Variants in MARCHF8 observed in about 807,000 individuals in gnomAD.
MARCHF8 encodes the protein E3 ubiquitin-protein ligase MARCHF8.
In MARCHF8, 40 loss-of-function variants were observed where a neutral mutation model predicts 51.6. That is an observed-to-expected ratio of 0.77 (90% CI 0.60 to 1.01). The LOEUF is 1.01. Among genes scored for constraint, MARCHF8 ranks in the 50% least tolerant of loss-of-function variants. MARCHF8 has a pLI of 0.00. For synonymous variants in MARCHF8, 263 were observed against 280.3 expected (o/e 0.94, Z 0.62); for missense variants, 685 against 708.6 (o/e 0.97, Z 0.38).
chr10:45,542,671 A>T lies in MARCHF8; in HGVS notation c.-78-9382T>A, dbSNP rs78336418. 3.8e-3 allele frequency among the ~76,000 whole-genome samples: 574 copies of T among 152,286 alleles called. 12 individuals are homozygous for T. In the East Asian group the frequency reaches 0.052, roughly 14 times the overall value. On this transcript the variant is annotated intron_variant, in intron 1 of 6. Transcript: ENST00000319836. ...CTTACAATTCATTTTTCAAAATGAA[A>T]TGTATTACTTTTATTACATGTATTT... is the stretch of plus-strand genomic sequence containing the variant.
At chr10:45,573,362 T>A (rs2044453408) in intron 1 of MARCHF8, among the ~76,000 whole-genome samples, 1 of 152,136 alleles carries the variant, frequency 6.6e-6, no homozygotes, top group Non-Finnish European at 1.5e-5. Context: ...TATTTCTGAG[T>A]TGCAATTCCT....
intron 1 of MARCHF8, among the ~76,000 whole-genome samples, chr10:45,587,834 A>G (rs1234928830): frequency 1.3e-5 from 2 of 152,222 alleles, no homozygotes; most frequent in African/African-American, 4.8e-5. Flanking sequence ...AAGGATAGAG[A>G]AAGGGGAAGA....
upstream of MARCHF8, among the ~76,000 whole-genome samples, chr10:45,538,366 C>T (rs1397096373): frequency 1.3e-5 from 2 of 152,132 alleles, no homozygotes; most frequent in African/African-American, 2.4e-5. Context: ...AAAAACATGC[C>T]AAATTGTAAA....
intron 3 of MARCHF8, among the ~76,000 whole-genome samples, chr10:45,485,372 G>C (rs1337522688): frequency 6.6e-6 from 1 of 152,210 alleles, no homozygotes; most frequent in East Asian, 1.9e-4. Context: ...TGGTAACAGA[G>C]GCTCAACAAA....
chr10:45,513,884 A>G (rs1192621122), intron 2 of MARCHF8, among the ~76,000 whole-genome samples: 3 of 152,220 alleles, frequency 2.0e-5, no homozygotes, highest in African/African-American at 4.8e-5. Context: ...TCCAGCAGAA[A>G]GAATTGGAGT....
intron 1 of MARCHF8, among the ~76,000 whole-genome samples, chr10:45,575,175 C>G (rs192202671): frequency 7.2e-5 from 11 of 152,258 alleles, no homozygotes; most frequent in Admixed American, 6.5e-4. Flanking sequence ...AGTATCAGAT[C>G]CCATCGCCCA....
chr10:45,483,369 A>G (rs1243429476), intron 3 of MARCHF8, among the ~76,000 whole-genome samples: 1 of 152,258 alleles, frequency 6.6e-6, no homozygotes, highest in Non-Finnish European at 1.5e-5. Flanking sequence ...TAAATGACCG[A>G]CAGCTGCATG....
chr10:45,563,403 G>A (rs1385562384), intron 1 of MARCHF8, among the ~76,000 whole-genome samples: 1 of 152,116 alleles, frequency 6.6e-6, no homozygotes, highest in Admixed American at 6.6e-5. Flanking sequence ...ATACGCAAGG[G>A]TTCTGGAACC....
intron 6 of MARCHF8, 120 bp downstream of exon 6, chr10:45,461,111 A>T: frequency 1.5e-6 from 1 of 662,180 alleles, no homozygotes; most frequent in Non-Finnish European, 2.3e-6. Flanking sequence ...AAATGTAAGC[A>T]CCAGCCCCAG....
At chr10:45,570,207 T>TA (rs932598063) in intron 1 of MARCHF8, among the ~76,000 whole-genome samples, 4 of 152,086 alleles carry the variant, frequency 2.6e-5, no homozygotes, top group African/African-American at 9.7e-5. Flanking sequence ...TTTTCATTTA[T>TA]AAAAAAACTA....
chr10:45,529,043 G>A (rs112541397), intron 2 of MARCHF8, among the ~76,000 whole-genome samples: 75 of 152,282 alleles, frequency 4.9e-4, no homozygotes, highest in African/African-American at 1.6e-3. Flanking sequence ...CAATACTTGA[G>A]GCATCAAATT....
intron 2 of MARCHF8, among the ~76,000 whole-genome samples, chr10:45,494,832 G>T (rs1320919175): frequency 6.6e-6 from 1 of 152,162 alleles, no homozygotes; most frequent in Non-Finnish European, 1.5e-5. Flanking sequence ...TGTAAAAAAT[G>T]ATTAAGGGCC....
chr10:45,590,084 T>C (rs767342620), intron 1 of MARCHF8, among the ~76,000 whole-genome samples: 1 of 152,216 alleles, frequency 6.6e-6, no homozygotes, highest in Non-Finnish European at 1.5e-5. Context: ...CTGTCTTTTT[T>C]ATTATACATA....
intron 7 of MARCHF8, among the ~76,000 whole-genome samples, chr10:45,458,745 G>A (rs1166888478): frequency 6.6e-6 from 1 of 152,132 alleles, no homozygotes; most frequent in Admixed American, 6.5e-5. Flanking sequence ...TTGAACTCCT[G>A]AGCCTCAGCA....
chr10:45,508,836 T>C (rs2043438637), intron 2 of MARCHF8, among the ~76,000 whole-genome samples: 1 of 152,232 alleles, frequency 6.6e-6, no homozygotes, highest in Non-Finnish European at 1.5e-5. Flanking sequence ...GTTTAAAATT[T>C]TTTTATTGAC....
rs111293067 is a variant in MARCHF8, at chr10:45,458,234, C to T, written c.*5G>A. Reference sequence around the variant, plus strand: ...ATGTCCAGGAAAATGACAACCCGCACACAATCAGACGTGAATGATTTCTGC... The same window carrying T: ...ATGTCCAGGAAAATGACAACCCGCATACAATCAGACGTGAATGATTTCTGC... On this transcript the variant is annotated 3_prime_UTR_variant, in exon 8 of 8. Transcript: ENST00000453424. 6.2e-6 allele frequency: 10 copies of T among 1,600,624 alleles called. No individual in the cohort carries two copies. In the South Asian group the frequency reaches 1.0e-4, roughly 16 times the overall value.
At chr10:45,512,788 G>A (rs1276251332) in intron 2 of MARCHF8, among the ~76,000 whole-genome samples, 1 of 152,144 alleles carries the variant, frequency 6.6e-6, no homozygotes, top group Non-Finnish European at 1.5e-5. Flanking sequence ...AGAAAGGGGG[G>A]AAAGGTGGGG....
intron 1 of MARCHF8, among the ~76,000 whole-genome samples, chr10:45,553,500 T>A (rs971022806): frequency 1.3e-5 from 2 of 152,228 alleles, no homozygotes; most frequent in African/African-American, 2.4e-5. Flanking sequence ...CAAGTTGTTT[T>A]ATTTAAAACT....
rs1234122418 is a variant in MARCHF8 at position 45,455,827 on chromosome 10, G to C, written c.*2412C>G. The C allele has an allele frequency of 6.6e-6, 1 of 152,406 alleles. No homozygotes were observed. Among genetic ancestry groups the C allele is most frequent in the East Asian group, 1.9e-4 (1 of 5,202 alleles). The allele number at this position is 152,406 out of a possible 1,614,324, so 9.4% of individuals were successfully genotyped here. A position where few individuals can be genotyped will look rare whatever the true frequency, so the allele number is the denominator to read the frequency against. ...GTGTGGATTGTCCACAGTGAGGCCA[G>C]AAACGATGAGATGGTGTTAGGCAGA... On this transcript the variant is annotated 3_prime_UTR_variant, in exon 8 of 8. Transcript: ENST00000453424.
Sources: gnomAD v4.1 joint callset for allele counts (sites outside exome capture counted in the v4.1 genomes callset) on GRCh38, gnomAD v4.1.1 for gene constraint, MANE v1.5 for transcripts, NCBI Gene and HGNC (gene_info 2026-07-23, HGNC 2026-07-21) for gene names.